Variants in WIPF1 observed in about 807,000 individuals in gnomAD.
The protein encoded by WIPF1 is WAS/WASL-interacting protein family member 1.
Under a neutral mutation model 35.4 loss-of-function variants are expected in WIPF1, and 13 were observed. The ratio of observed to expected loss-of-function variants is 0.37; its 90% CI spans 0.24 to 0.58. WIPF1 has a LOEUF of 0.58. Among genes scored for constraint, WIPF1 ranks in the 20% least tolerant of loss-of-function variants. The probability of loss-of-function intolerance (pLI) is 0.74; values close to 1 mark genes in which losing one functional copy is unlikely to be tolerated. For synonymous variants in WIPF1, 267 were observed against 266.3 expected (o/e 1.00, Z -0.02); for missense variants, 591 against 667.0 (o/e 0.89, Z 1.25).
chr2:174,573,711 C>T (rs1030739998), intron 4 of WIPF1, among the ~76,000 whole-genome samples: 10 of 152,024 alleles, frequency 6.6e-5, no homozygotes, highest in African/African-American at 1.9e-4. Context: ...CCCATGTGCC[C>T]GGGGCACAGT....
At chr2:174,567,592 G>T (rs1187246554) in intron 6 of WIPF1, among the ~76,000 whole-genome samples, 3 of 152,208 alleles carry the variant, frequency 2.0e-5, no homozygotes, top group Non-Finnish European at 4.4e-5. Context: ...CAGAATCCTG[G>T]AATCTCTGGA....
chr2:174,612,706 A>G (rs1031000876), intron 1 of WIPF1, among the ~76,000 whole-genome samples: 9 of 152,012 alleles, frequency 5.9e-5, no homozygotes, highest in African/African-American at 1.2e-4. Flanking sequence ...ATCTTTGCCA[A>G]TTTGATAGGT....
chr2:174,638,815 T>C (rs1687238413), intron 1 of WIPF1, among the ~76,000 whole-genome samples: 1 of 152,220 alleles, frequency 6.6e-6, no homozygotes, highest in South Asian at 2.1e-4. Flanking sequence ...TCCCACATCT[T>C]GGCTATTGTA....
rs376008542 is a variant in WIPF1 at position 174,667,047 on chromosome 2, T to C, written c.-39+15727A>G. Among the ~76,000 whole-genome samples the C allele has an allele frequency of 1.6e-4, 25 of 152,344 alleles. No individual in the cohort carries two copies. In the South Asian group the frequency reaches 3.5e-3, roughly 21 times the overall value. On this transcript the variant is annotated intron_variant, in intron 1 of 8. Coordinates refer to the WIPF1 transcript ENST00000272746. ...AAACCTTGCTGTATCAGATCGGGTTTAAGAATGCAGTTGGTTTTGTTTTAG... is the reference window on the plus strand; with the variant it reads ...AAACCTTGCTGTATCAGATCGGGTTCAAGAATGCAGTTGGTTTTGTTTTAG...
At chr2:174,593,572 G>T (rs892734944) in intron 1 of WIPF1, among the ~76,000 whole-genome samples, 3 of 152,180 alleles carry the variant, frequency 2.0e-5, no homozygotes, top group African/African-American at 7.2e-5. Flanking sequence ...AAACTTAGCT[G>T]GATGTATTTA....
rs1158076081 is a variant in WIPF1, at chr2:174,562,276, T to G, written c.*271A>C. ...GGAAAGCTGGGATGCAAGTCATCTC[T>G]GCCTATTACGACAAAAGCCTATCGA... is the stretch of plus-strand genomic sequence containing the variant. On this transcript the variant is annotated 3_prime_UTR_variant, in exon 8 of 8. Transcript: ENST00000679041. 4 of 1,529,400 alleles carry G rather than the reference T, an allele frequency of 2.6e-6. No homozygotes were observed. In the Admixed American group the frequency reaches 8.0e-5, roughly 31 times the overall value. The allele number at this position is 1,529,400 out of a possible 1,614,324, so 94.7% of individuals were successfully genotyped here. A position where few individuals can be genotyped will look rare whatever the true frequency, so the allele number is the denominator to read the frequency against.
In WIPF1 at chr2:174,591,673, T is replaced by TACACACACACACAC. The variant is rs71407131; in HGVS notation, c.-39+5914_-39+5927dup. ...TAATTACTGTTTCTTCTTTGTTGCT[T>TACACACACACACAC]ACACACACACACACACACACACACA... On this transcript the variant is annotated intron_variant, in intron 1 of 7. Coordinates refer to ENST00000679041, the MANE Select transcript of WIPF1 (RefSeq NM_001375834.1). Among the ~76,000 whole-genome samples the TACACACACACACAC allele has an allele frequency of 2.5e-3, 370 of 146,814 alleles. 3 individuals are homozygous for TACACACACACACAC. Among genetic ancestry groups the TACACACACACACAC allele is most frequent in the African/African-American group, 8.1e-3 (325 of 39,888 alleles).
At chr2:174,575,677 C>A (rs1202093497) in intron 3 of WIPF1, among the ~76,000 whole-genome samples, 1 of 152,170 alleles carries the variant, frequency 6.6e-6, no homozygotes, top group Non-Finnish European at 1.5e-5. Flanking sequence ...TAAGATTTGG[C>A]AAATAGAAGG....
In WIPF1 at chr2:174,560,004, A is replaced by T. The variant is rs1255921481; in HGVS notation, c.*2543T>A. ...ATAGTGAAATAAATACTGAACACTG[A>T]GTTTTAATACTGTAATACATTTCAA... On this transcript the variant is annotated 3_prime_UTR_variant, in exon 8 of 8. Coordinates refer to ENST00000679041, the MANE Select transcript of WIPF1 (RefSeq NM_001375834.1). 6.6e-6 allele frequency: 1 copy of T among 152,646 alleles called. No individual in the cohort carries two copies. The highest frequency in any genetic ancestry group is 1.5e-5 in the Non-Finnish European group (1 of 68,024). 9.5% of individuals were successfully genotyped at this position (152,646 alleles called of 1,614,324 possible). A position where few individuals can be genotyped will look rare whatever the true frequency, so the allele number is the denominator to read the frequency against.
chr2:174,643,481 C>T (rs1176240836), intron 1 of WIPF1, among the ~76,000 whole-genome samples: 1 of 148,978 alleles, frequency 6.7e-6, no homozygotes, highest in Admixed American at 6.6e-5. Flanking sequence ...GGTGCAATCT[C>T]AGCTCACTGC....
intron 1 of WIPF1, among the ~76,000 whole-genome samples, chr2:174,591,745 C>T (rs1226736797): frequency 6.6e-6 from 1 of 151,874 alleles, no homozygotes; most frequent in Non-Finnish European, 1.5e-5. Context: ...CTAGTTCATT[C>T]TGTGAATGAA....
chr2:174,641,200 A>G lies in WIPF1; in HGVS notation c.-39+41574T>C, dbSNP rs185864952. Among the ~76,000 whole-genome samples the G allele has an allele frequency of 7.2e-5, 11 of 152,342 alleles. No individual in the cohort carries two copies. The East Asian group carries it at 1.9e-3, about 27-fold the overall frequency. The stretch of plus-strand genomic sequence containing the variant: ...GGGAACATTGGATATCCATGTGCAG[A>G]AGGATGAGGGAAGGTGTTAAATTCT... On this transcript the variant is annotated intron_variant, in intron 1 of 8. Transcript: ENST00000272746.
rs1684476853 is a variant in WIPF1 at position 174,561,261 on chromosome 2, TTTA to T, written c.*1283_*1285del. 1 of 152,600 alleles carries T rather than the reference TTTA, an allele frequency of 6.6e-6. No homozygotes were observed. The highest frequency in any genetic ancestry group is 2.1e-4 in the South Asian group (1 of 4,838). The allele number at this position is 152,600 out of a possible 1,614,324, so 9.5% of individuals were successfully genotyped here. ...CTTACATAAGCATCAGATTTAGATT[TTTA>T]GAGTTTTGCCCACCAACTCAAATCG... On this transcript the variant is annotated 3_prime_UTR_variant, in exon 8 of 8. Transcript: ENST00000679041.
chr2:174,654,020 T>C lies in WIPF1; in HGVS notation c.-39+28754A>G, dbSNP rs554723368. ...GATTCTCCCCTTAGTAAATCTATTT[T>C]TAAAAAGCCCCCTTTAAAAATCCTC... On this transcript the variant is annotated intron_variant, in intron 1 of 8. Transcript: ENST00000272746. Among the ~76,000 whole-genome samples, 6 of 152,294 alleles carry C rather than the reference T, an allele frequency of 3.9e-5. No homozygotes were observed. The South Asian group carries it at 1.2e-3, about 32-fold the overall frequency.
rs10587549 is a variant in WIPF1 at position 174,564,815 on chromosome 2, G to GCACACACACACA, written c.1457-2225_1457-2214dup. Among the ~76,000 whole-genome samples, 64 of 143,512 alleles carry GCACACACACACA rather than the reference G, an allele frequency of 4.5e-4. 1 individual carries two copies. The highest frequency in any genetic ancestry group is 1.4e-3 in the South Asian group (6 of 4,384). The allele number at this position is 143,512 out of a possible 152,430, so 94.1% of individuals were successfully genotyped here. On this transcript the variant is annotated intron_variant, in intron 7 of 7. Transcript: ENST00000679041. ...ATCAAACAGAAGCCCTTCTTCTGGTGCACACACACACACACACACACACAC... is the reference window on the plus strand; with the variant it reads ...ATCAAACAGAAGCCCTTCTTCTGGTGCACACACACACACACACACACACACACACACACACAC...
intron 1 of WIPF1, among the ~76,000 whole-genome samples, chr2:174,653,894 A>C (rs2105965342): frequency 6.6e-6 from 1 of 152,330 alleles, no homozygotes; most frequent in Admixed American, 6.5e-5. Flanking sequence ...ACCATCCATC[A>C]GCAAGGTGCT....
rs182205253 is a variant in WIPF1, at chr2:174,602,858, C to T, written c.-38-17247G>A. 1.1e-3 allele frequency among the ~76,000 whole-genome samples: 162 copies of T among 152,304 alleles called. 1 individual carries two copies. The highest frequency in any genetic ancestry group is 2.0e-3 in the Non-Finnish European group (136 of 68,030). ...CAACCATTCCCCCTACTTATAATCA[C>T]GTCCATTTGTTTGTATGGAGAATCA... On this transcript the variant is annotated intron_variant, in intron 1 of 8. Coordinates refer to the WIPF1 transcript ENST00000272746.
At chr2:174,574,791 C>T (rs1266628430) in intron 4 of WIPF1, 6 of 689,140 alleles carry the variant, frequency 8.7e-6, no homozygotes, top group African/African-American at 3.6e-5. Context: ...AGATGTGCTC[C>T]ATCGTGTTTG....
chr2:174,662,181 C>T (rs539067297), intron 1 of WIPF1, among the ~76,000 whole-genome samples: 3 of 152,276 alleles, frequency 2.0e-5, no homozygotes, highest in East Asian at 1.9e-4. Context: ...TTTAAAGCAT[C>T]GCTAGATTAC....
Sources: allele counts gnomAD v4.1 joint callset (sites outside exome capture counted in the v4.1 genomes callset), GRCh38; gene constraint gnomAD v4.1.1; transcripts MANE v1.5; gene names NCBI Gene and HGNC (gene_info 2026-07-23, HGNC 2026-07-21).